Variants in TYW1 observed in about 807,000 individuals in gnomAD.
The protein encoded by TYW1 is S-adenosyl-L-methionine-dependent tRNA 4-demethylwyosine synthase TYW1.
A neutral mutation model predicts 96.2 loss-of-function variants in TYW1; 46 were observed. The observed-to-expected ratio is 0.48, with a 90% CI of 0.38 to 0.61. The LOEUF (loss-of-function observed/expected upper bound fraction) is 0.61. Among genes scored for constraint, TYW1 ranks in the 20% least tolerant of loss-of-function variants. The pLI is 0.00. For missense variants in TYW1, 684 were observed against 909.6 expected (o/e 0.75, Z 3.19); for synonymous variants, 274 against 323.0 (o/e 0.85, Z 1.63).
In TYW1 at chr7:67,117,464, T is replaced by A. The variant is rs925538293; in HGVS notation, c.1563-19T>A. ...GAGGAATAATTTTTCTTTCTTCTTT[T>A]AAAAAAAATATTACTAAGGAACCTC... is the stretch of plus-strand genomic sequence containing the variant. On this transcript the variant is annotated intron_variant, in intron 12 of 15. Coordinates refer to ENST00000359626, the MANE Select transcript of TYW1 (RefSeq NM_018264.4). 34 of 1,582,106 alleles carry A rather than the reference T, an allele frequency of 2.1e-5. No homozygotes were observed. In the African/African-American group the frequency reaches 4.0e-4, roughly 19 times the overall value.
chr7:67,113,802 TA>T (rs951710118), intron 12 of TYW1, among the ~76,000 whole-genome samples: 1 of 152,038 alleles, frequency 6.6e-6, no homozygotes, highest in Non-Finnish European at 1.5e-5. Context: ...CATGCCTGGC[TA>T]ATTTTTGTAT....
chr7:67,108,502 T>A (rs1797306519), intron 12 of TYW1, among the ~76,000 whole-genome samples: 1 of 149,688 alleles, frequency 6.7e-6, no homozygotes, highest in South Asian at 2.1e-4. Flanking sequence ...AGTGCAGTGG[T>A]GCAATCTTGG....
chr7:67,181,708 A>C (rs1799848375), intron 13 of TYW1, among the ~76,000 whole-genome samples: 1 of 152,062 alleles, frequency 6.6e-6, no homozygotes, highest in Non-Finnish European at 1.5e-5. Context: ...GATGCATGTA[A>C]TCATGTACAT....
At chr7:67,067,250 T>A (rs764742550) in intron 9 of TYW1, 35 bp from the exon 10 acceptor site, 1 of 1,609,492 alleles carries the variant, frequency 6.2e-7, no homozygotes, top group East Asian at 2.2e-5. Context: ...GCTTTGACAA[T>A]TTTATTCAAA....
rs201808541 is a variant in TYW1, at chr7:67,071,868, C to G, written c.1274+4465C>G. 2.0e-5 allele frequency among the ~76,000 whole-genome samples: 3 copies of G among 152,176 alleles called. No individual in the cohort carries two copies. In the East Asian group the frequency reaches 5.8e-4, roughly 29 times the overall value. On this transcript the variant is annotated intron_variant, in intron 10 of 15. Transcript: ENST00000359626. ...AACTCCTGGCCTCAAGTGATCCACCCGCCTTGGCCTTCCAAAGTGCCGGGA... is the reference window on the plus strand; with the variant it reads ...AACTCCTGGCCTCAAGTGATCCACCGGCCTTGGCCTTCCAAAGTGCCGGGA...
chr7:67,121,087 A>T (rs572134936), intron 13 of TYW1, among the ~76,000 whole-genome samples: 1 of 152,200 alleles, frequency 6.6e-6, no homozygotes, highest in African/African-American at 2.4e-5. Context: ...GCTCTTAAAA[A>T]TTTTCCTTTA....
At chr7:67,144,686 C>T (rs1395993280) in intron 13 of TYW1, among the ~76,000 whole-genome samples, 1 of 152,060 alleles carries the variant, frequency 6.6e-6, no homozygotes, top group Non-Finnish European at 1.5e-5. Context: ...GCCCAGCCTC[C>T]TCTAGAGCTC....
chr7:67,084,375 T>C (rs989560860), intron 11 of TYW1, among the ~76,000 whole-genome samples: 1 of 152,214 alleles, frequency 6.6e-6, no homozygotes, highest in Non-Finnish European at 1.5e-5. Flanking sequence ...TGTCTCATAT[T>C]AACAAATATT....
chr7:67,153,924 TC>T (rs1286251456), intron 13 of TYW1, among the ~76,000 whole-genome samples: 12 of 124,342 alleles, frequency 9.7e-5, no homozygotes, highest in Non-Finnish European at 1.7e-4. Context: ...TTAACGACTT[TC>T]TTTTTTTTTT....
intron 13 of TYW1, among the ~76,000 whole-genome samples, chr7:67,157,220 C>T (rs1232698160): frequency 6.6e-6 from 1 of 152,110 alleles, no homozygotes; most frequent in Non-Finnish European, 1.5e-5. Flanking sequence ...CAGCACACAC[C>T]GTTTCTGTTA....
rs1793692306 is a variant in TYW1 at position 67,008,872 on chromosome 7, G to A, written c.274-711G>A. On this transcript the variant is annotated intron_variant, in intron 3 of 15. Coordinates refer to ENST00000359626, the MANE Select transcript of TYW1 (RefSeq NM_018264.4). ...AGACGGGGTTTTACCATGTTGGTCA[G>A]GCTGGTCTCGCATTCCTGACCTCAA... 3.3e-5 allele frequency among the ~76,000 whole-genome samples: 5 copies of A among 152,174 alleles called. No homozygotes were observed. The South Asian group carries it at 1.0e-3, about 32-fold the overall frequency.
chr7:67,221,019 G>A (rs1801377509), intron 15 of TYW1, among the ~76,000 whole-genome samples: 1 of 152,084 alleles, frequency 6.6e-6, no homozygotes, highest in African/African-American at 2.4e-5. Context: ...GAGCCACCGC[G>A]CCCGTCCAAG....
At chr7:67,029,437 A>ATATATATATATATATATACATATATAT (rs746024597) in intron 7 of TYW1, among the ~76,000 whole-genome samples, 1 of 146,558 alleles carries the variant, frequency 6.8e-6, no homozygotes, top group Non-Finnish European at 1.5e-5. Context: ...ATATATAAAT[A>ATATATATATATATATATACATATATAT]GTATTTTCTA....
chr7:67,052,220 C>T (rs1795381058), intron 8 of TYW1, among the ~76,000 whole-genome samples: 1 of 151,942 alleles, frequency 6.6e-6, no homozygotes, highest in Non-Finnish European at 1.5e-5. Context: ...AAATTTTGGC[C>T]ATTATTTCTT....
chr7:67,149,768 A>ATCTATCTATCTATCTC (rs1554376910), intron 13 of TYW1, among the ~76,000 whole-genome samples: 2 of 84,082 alleles, frequency 2.4e-5, no homozygotes, highest in African/African-American at 6.3e-5. Flanking sequence ...CTATCTATCT[A>ATCTATCTATCTATCTC]TCTATCTCTC....
intron 6 of TYW1, among the ~76,000 whole-genome samples, chr7:67,021,175 C>T (rs1183338312): frequency 2.0e-5 from 3 of 152,272 alleles, no homozygotes; most frequent in Admixed American, 6.5e-5. Flanking sequence ...ATTCTTGTTT[C>T]CCTTAAATTA....
At chr7:67,053,012 A>C (rs1795406251) in intron 8 of TYW1, among the ~76,000 whole-genome samples, 1 of 149,766 alleles carries the variant, frequency 6.7e-6, no homozygotes, top group South Asian at 2.1e-4. Context: ...AACTGTTGGG[A>C]TTACAGGCTT....
intron 12 of TYW1, among the ~76,000 whole-genome samples, chr7:67,101,948 T>G (rs1328675988): frequency 6.6e-6 from 1 of 152,266 alleles, no homozygotes; most frequent in African/African-American, 2.4e-5. Flanking sequence ...TTTTAAGAAG[T>G]CAATGTGTCT....
chr7:67,077,565 G>A (rs1439889069), intron 10 of TYW1, among the ~76,000 whole-genome samples: 1 of 152,076 alleles, frequency 6.6e-6, no homozygotes, highest in Non-Finnish European at 1.5e-5. Context: ...TACATCATTC[G>A]ACCTTTTAAA....
Sources: gnomAD v4.1 joint callset for allele counts (sites outside exome capture counted in the v4.1 genomes callset) on GRCh38, gnomAD v4.1.1 for gene constraint, MANE v1.5 for transcripts, NCBI Gene and HGNC (gene_info 2026-07-23, HGNC 2026-07-21) for gene names.